NSD3: variants seen among roughly 807,000 people sequenced by gnomAD.
NSD3 encodes the protein nuclear receptor binding SET domain protein 3.
A neutral mutation model predicts 160.8 loss-of-function variants in NSD3; 24 were observed. The observed-to-expected ratio is 0.15, with a 90% CI of 0.11 to 0.21. The LOEUF is 0.21. Ranked by LOEUF, NSD3 falls within the 10% of genes least tolerant of loss-of-function variation. The pLI is 1.00. For synonymous variants in NSD3, 520 were observed against 600.0 expected (o/e 0.87, Z 1.95); for missense variants, 1,157 against 1,735.9 (o/e 0.67, Z 5.93).
At position 38,347,875 on chromosome 8, in the gene NSD3, G is replaced by A. The variant is rs1354020542; in HGVS notation, c.297C>T (p.Gly99=). ...GGCTAAAGTTTCTAACTGCACCAAA[G>A]CCATTGGCTGACCCATTAGGATACT... is the stretch of plus-strand genomic sequence containing the variant. ...YNQYPNGSAN[G]FGAVRNFSPT... is the part of the protein sequence containing the mutation. The change falls in exon 2 of 24, where the codon GGC becomes GGT. Residue 99 remains glycine, a synonymous_variant. Transcript: ENST00000317025. The A allele has an allele frequency of 1.9e-6, 3 of 1,614,216 alleles. No homozygotes were observed. The highest frequency in any genetic ancestry group is 2.5e-6 in the Non-Finnish European group (3 of 1,180,044).
intron 16 of NSD3, among the ~76,000 whole-genome samples, chr8:38,295,106 T>A (rs191208560): frequency 2.2e-3 from 301 of 134,874 alleles, no homozygotes; most frequent in Non-Finnish European, 1.2e-3. Flanking sequence ...ATCGCGCAAC[T>A]GCACTCCAGC....
chr8:38,296,035 A>G (rs1354065207), intron 15 of NSD3, 83 bp from the exon 16 acceptor site: 6 of 1,375,850 alleles, frequency 4.4e-6, no homozygotes, highest in Non-Finnish European at 5.8e-6. Flanking sequence ...TCTTTTCAGC[A>G]CATTAAATTT....
In NSD3 at chr8:38,316,026, T is replaced by C. The variant is rs770604101; in HGVS notation, c.1872A>G (p.Ser624=). ...TGLQKGASEI[S]DSCKPLKKRS... is the part of the protein sequence containing the mutation. ...TTTTCTTTAGAGGTTTACAGGAATC[T>C]GAAATCTCGCTGGCACCTTAATACA... The change falls in exon 10 of 24, where the codon TCA becomes TCG. Residue 624 remains serine, a synonymous_variant. Coordinates refer to ENST00000317025, the MANE Select transcript of NSD3 (RefSeq NM_023034.2). The surrounding 1 kb of genome is among the most constrained non-coding windows in gnomAD (Gnocchi z 4.5). 1 of 1,612,788 alleles carries C rather than the reference T, an allele frequency of 6.2e-7. No homozygotes were observed. The highest frequency in any genetic ancestry group is 8.5e-7 in the Non-Finnish European group (1 of 1,179,940).
chr8:38,347,870 C>T lies in NSD3; in HGVS notation c.302G>A (p.Gly101Asp), dbSNP rs935128181. The T allele has an allele frequency of 5.0e-6, 8 of 1,614,020 alleles. No individual in the cohort carries two copies. In the East Asian group the frequency reaches 1.1e-4, roughly 22 times the overall value. Residue 101 changes from glycine (G) to aspartate (D), a missense_variant, in exon 2 of 24, where the codon GGT becomes GAT. By Grantham distance (94) the Gly-to-Asp change is moderately conservative. Coordinates refer to ENST00000317025, the MANE Select transcript of NSD3 (RefSeq NM_023034.2). ...QYPNGSANGF[G>D]AVRNFSPTDY... ...AGTGGGGCTAAAGTTTCTAACTGCACCAAAGCCATTGGCTGACCCATTAGG... is the reference window on the plus strand; with the variant it reads ...AGTGGGGCTAAAGTTTCTAACTGCATCAAAGCCATTGGCTGACCCATTAGG...
Position 38,279,534 on chromosome 8 carries a change from T to TTTTA in NSD3, c.3760+2_3760+5dup. ...GGAAAGCATGGGGAACGAGTCACTTTTTTACCTGCAGGAATATCACAGAGA... is the reference window on the plus strand; with the variant it reads ...GGAAAGCATGGGGAACGAGTCACTTTTTTATTTACCTGCAGGAATATCACAGAGA... On this transcript the variant is annotated splice_donor_region_variant and intron_variant, in intron 21 of 23. Coordinates refer to ENST00000317025, the MANE Select transcript of NSD3 (RefSeq NM_023034.2). The TTTTA allele has an allele frequency of 1.2e-6, 2 of 1,613,568 alleles. No homozygotes were observed. The highest frequency in any genetic ancestry group is 8.5e-7 in the Non-Finnish European group (1 of 1,179,580).
At chr8:38,341,197 G>A (rs1000638103) in intron 2 of NSD3, among the ~76,000 whole-genome samples, 1 of 152,076 alleles carries the variant, frequency 6.6e-6, no homozygotes, top group Non-Finnish European at 1.5e-5. Flanking sequence ...TAGTGTAAGT[G>A]TATATGTATT....
At chr8:38,360,926 C>T (rs1585922812) in intron 1 of NSD3, among the ~76,000 whole-genome samples, 2 of 152,262 alleles carry the variant, frequency 1.3e-5, no homozygotes, top group East Asian at 3.9e-4. Flanking sequence ...GATGTATCAA[C>T]AGAAGTTACC....
chr8:38,318,756 A>G lies in NSD3; in HGVS notation c.1855+139T>C. The G allele has an allele frequency of 1.3e-6, 1 of 755,944 alleles. No individual in the cohort carries two copies. Among genetic ancestry groups the G allele is most frequent in the South Asian group, 1.6e-5 (1 of 62,924 alleles). 46.8% of individuals were successfully genotyped at this position (755,944 alleles called of 1,614,324 possible). On this transcript the variant is annotated intron_variant, in intron 9 of 23. Transcript: ENST00000317025. This position sits in a 1 kb window ranked among gnomAD's most constrained non-coding sequence, Gnocchi z 5.3. Reference sequence around the variant, plus strand: ...CTCTAAAAGTCACACACACACACGAACACTGGGGAATACTGCAATTTCACA... The same window carrying G: ...CTCTAAAAGTCACACACACACACGAGCACTGGGGAATACTGCAATTTCACA...
At chr8:38,349,677 ATATATATATATATATG>A (rs971208195) in intron 1 of NSD3, among the ~76,000 whole-genome samples, 47 of 117,908 alleles carry the variant, frequency 4.0e-4, no homozygotes, top group African/African-American at 1.4e-3. Flanking sequence ...ATATATATAT[ATATATATATATATATG>A]TATTTATTAT....
At chr8:38,354,350 T>G (rs1371270218) in intron 1 of NSD3, among the ~76,000 whole-genome samples, 1 of 152,202 alleles carries the variant, frequency 6.6e-6, no homozygotes, top group Admixed American at 6.5e-5. Context: ...TTTATCAACC[T>G]AATACAATGC....
At position 38,288,762 on chromosome 8, in the gene NSD3, A is replaced by T. The variant is rs1808924013; in HGVS notation, c.3232-6T>A. 5.0e-6 allele frequency: 8 copies of T among 1,609,816 alleles called. No homozygotes were observed. Among genetic ancestry groups the T allele is most frequent in the Non-Finnish European group, 6.8e-6 (8 of 1,176,270 alleles). On this transcript the variant is annotated splice_polypyrimidine_tract_variant and splice_region_variant and intron_variant, in intron 18 of 23. Coordinates refer to ENST00000317025, the MANE Select transcript of NSD3 (RefSeq NM_023034.2). The surrounding 1 kb of genome is among the most constrained non-coding windows in gnomAD (Gnocchi z 4.5). ...TTTCCTATTACTTTGTTAGCCTAGA[A>T]AACAAAATCGCAAGCGAGAGAGAGG...
intron 1 of NSD3, among the ~76,000 whole-genome samples, chr8:38,358,500 G>C (rs865909310): frequency 2.0e-5 from 3 of 152,090 alleles, no homozygotes; most frequent in Non-Finnish European, 4.4e-5. Flanking sequence ...AGCTATGCTG[G>C]TTCTTGAAAA....
intron 14 of NSD3, among the ~76,000 whole-genome samples, chr8:38,303,951 T>C (rs10102341): frequency 0.22 from 33,877 of 152,176 alleles, 4,004 homozygotes; most frequent in East Asian, 0.31. Context: ...ATATTTATCA[T>C]GAACCCAAGT....
At chr8:38,296,078 G>T in intron 15 of NSD3, 126 bp from the exon 16 acceptor site, 1 of 961,342 alleles carries the variant, frequency 1.0e-6, no homozygotes, top group Non-Finnish European at 1.5e-6. Flanking sequence ...CAAAGGGACT[G>T]AGTCATATCT....
intron 6 of NSD3, among the ~76,000 whole-genome samples, chr8:38,328,917 G>A (rs1053125753): frequency 2.6e-5 from 4 of 152,144 alleles, no homozygotes; most frequent in Admixed American, 6.5e-5. Flanking sequence ...GTTAGATATC[G>A]CAAGCCCATA....
At chr8:38,306,878 G>T (rs1585872064) in intron 12 of NSD3, among the ~76,000 whole-genome samples, 1 of 152,214 alleles carries the variant, frequency 6.6e-6, no homozygotes, top group East Asian at 1.9e-4. Context: ...ACTTTGGGAG[G>T]CCAAGGCGGG....
chr8:38,367,285 G>A (rs915680153), intron 1 of NSD3, among the ~76,000 whole-genome samples: 10 of 152,138 alleles, frequency 6.6e-5, no homozygotes, highest in African/African-American at 2.4e-4. Flanking sequence ...AGAAAGGTTG[G>A]ATCAGGTGAT....
intron 2 of NSD3, among the ~76,000 whole-genome samples, chr8:38,339,536 C>T (rs1057324410): frequency 3.3e-5 from 5 of 152,050 alleles, no homozygotes; most frequent in African/African-American, 9.7e-5. Context: ...ACCATCCTGG[C>T]CAACATGGTG....
chr8:38,305,533 C>T, intron 12 of NSD3, 88 bp from the exon 13 acceptor site: 1 of 1,217,702 alleles, frequency 8.2e-7, no homozygotes, highest in Non-Finnish European at 1.2e-6. Context: ...ACAGCTACTC[C>T]TAAAACAGAC....
Sources: gnomAD v4.1 joint callset for allele counts (sites outside exome capture counted in the v4.1 genomes callset) on GRCh38, gnomAD v4.1.1 for gene constraint, Gnocchi (gnomAD v3.1) non-coding constraint, MANE v1.5 for transcripts, NCBI Gene and HGNC (gene_info 2026-07-23, HGNC 2026-07-21) for gene names.